Variants in POLA1 observed in about 807,000 individuals in gnomAD.
POLA1 encodes the protein DNA polymerase alpha 1, catalytic subunit, also known as DNA polymerase alpha catalytic subunit.
In POLA1, 15 loss-of-function variants were observed where a neutral mutation model predicts 124.0. The observed-to-expected ratio is 0.12, with a 90% CI of 0.08 to 0.19. The LOEUF (loss-of-function observed/expected upper bound fraction) is 0.19. Ranked by LOEUF, POLA1 falls within the 10% of genes least tolerant of loss-of-function variation. POLA1 has a pLI of 1.00. For synonymous variants in POLA1, 408 were observed against 389.4 expected, an observed-to-expected ratio of 1.05 and a Z score of -0.56; for missense variants, 886 against 1,103.4, an observed-to-expected ratio of 0.80 and a Z score of 2.79.
chrX:24,752,835 C>G (rs1207976766), intron 26 of POLA1, among the ~76,000 whole-genome samples: 2 of 110,979 alleles, frequency 1.8e-5, no homozygotes, highest in Non-Finnish European at 3.8e-5. Flanking sequence ...TTTATCATAG[C>G]AAGTTAATTC....
intron 17 of POLA1, chrX:24,734,077 C>T (rs1351140548): frequency 5.0e-6 from 1 of 199,169 alleles, no homozygotes; most frequent in African/African-American, 3.0e-5. Context: ...CCTCCAATAG[C>T]TTAATTAGAA....
chrX:24,876,897 T>C (rs1290840119), intron 34 of POLA1, among the ~76,000 whole-genome samples: 1 of 112,219 alleles, frequency 8.9e-6, no homozygotes, highest in Non-Finnish European at 1.9e-5. Flanking sequence ...ATTCGTTCTT[T>C]GACTTCAGCA....
At chrX:24,757,179 G>A (rs1932648332) in intron 26 of POLA1, among the ~76,000 whole-genome samples, 2 of 110,721 alleles carry the variant, frequency 1.8e-5, no homozygotes, top group Admixed American at 9.6e-5. Flanking sequence ...TTTAAATTTC[G>A]TTTCTATTGT....
At chrX:24,765,576 C>T (rs1333424563) in intron 26 of POLA1, among the ~76,000 whole-genome samples, 1 of 111,379 alleles carries the variant, frequency 9.0e-6, no homozygotes. Context: ...GAATTACAGG[C>T]GTGAGCCACT....
intron 26 of POLA1, among the ~76,000 whole-genome samples, chrX:24,759,031 C>A (rs1932752131): frequency 9.0e-6 from 1 of 111,591 alleles, no homozygotes; most frequent in Admixed American, 9.5e-5. Flanking sequence ...CAGGTGTGGG[C>A]ACCCGCACCC....
chrX:24,981,019 A>G (rs1456415917), intron 36 of POLA1, among the ~76,000 whole-genome samples: 1 of 111,703 alleles, frequency 9.0e-6, no homozygotes, highest in Non-Finnish European at 1.9e-5. Flanking sequence ...TCTTACTGTT[A>G]CCAGGGTCTT....
intron 35 of POLA1, among the ~76,000 whole-genome samples, chrX:24,924,858 C>CG (rs2047668218): frequency 9.0e-6 from 1 of 110,925 alleles, no homozygotes; most frequent in African/African-American, 3.3e-5. Context: ...ATAAGGGTGG[C>CG]GTGGGTATAT....
chrX:24,927,532 A>G (rs1346959732), intron 35 of POLA1, among the ~76,000 whole-genome samples: 2 of 111,565 alleles, frequency 1.8e-5, no homozygotes, highest in East Asian at 5.6e-4. Context: ...CCAAGTAACT[A>G]ACTTGAATGC....
At chrX:24,743,955 C>T (rs911772863) in intron 23 of POLA1, among the ~76,000 whole-genome samples, 6 of 104,957 alleles carry the variant, frequency 5.7e-5, no homozygotes, top group Admixed American at 2.1e-4. Context: ...TGCAGTGGTG[C>T]GATCTCTACT....
intron 26 of POLA1, among the ~76,000 whole-genome samples, chrX:24,791,797 C>G (rs1487322962): frequency 1.8e-5 from 2 of 112,170 alleles, no homozygotes; most frequent in African/African-American, 6.5e-5. Context: ...AAGAAGTAAG[C>G]TGGGATGTTC....
At chrX:24,938,480 C>A (rs2047878929) in intron 36 of POLA1, among the ~76,000 whole-genome samples, 1 of 111,952 alleles carries the variant, frequency 8.9e-6, no homozygotes, top group Non-Finnish European at 1.9e-5. Flanking sequence ...TCTATGTGCC[C>A]AGAGTAAAGT....
At chrX:24,812,571 A>G (rs1353959300) in intron 28 of POLA1, 87 bp from the exon 29 acceptor site, 2 of 553,741 alleles carry the variant, frequency 3.6e-6, no homozygotes, top group Admixed American at 6.2e-5. Context: ...AATTCTGTTT[A>G]GATTAACTCT....
intron 36 of POLA1, among the ~76,000 whole-genome samples, chrX:24,942,170 C>T (rs968887915): frequency 4.5e-5 from 5 of 112,197 alleles, no homozygotes; most frequent in South Asian, 3.7e-4. Flanking sequence ...AGAACATTCA[C>T]AGCCATTATC....
chrX:24,955,166 T>C (rs2048092537), intron 36 of POLA1, among the ~76,000 whole-genome samples: 1 of 109,096 alleles, frequency 9.2e-6, no homozygotes, highest in Admixed American at 9.8e-5. Flanking sequence ...TTTTTTTTTT[T>C]TTCTTCTCTT....
chrX:24,962,892 A>C (rs991306565), intron 36 of POLA1, among the ~76,000 whole-genome samples: 1 of 111,873 alleles, frequency 8.9e-6, no homozygotes, highest in Admixed American at 9.6e-5. Flanking sequence ...TTTTGAATAT[A>C]TATAATGGGT....
intron 14 of POLA1, 68 bp downstream of exon 14, chrX:24,727,139 T>TTTTAAAA: frequency 1.5e-5 from 14 of 916,869 alleles, no homozygotes; most frequent in Non-Finnish European, 2.2e-5. Context: ...AAAGGGAAGT[T>TTTTAAAA]AGGAAATTGA....
chrX:24,988,904 T>C (rs1392752610), intron 36 of POLA1, among the ~76,000 whole-genome samples: 2 of 111,302 alleles, frequency 1.8e-5, no homozygotes, highest in African/African-American at 3.3e-5. Context: ...AGGCGGAGGT[T>C]GCAGTGAGCC....
chrX:24,833,873 C>G (rs993258369), intron 32 of POLA1, among the ~76,000 whole-genome samples: 2 of 111,860 alleles, frequency 1.8e-5, no homozygotes, highest in African/African-American at 6.5e-5. Flanking sequence ...TGGCTTGAGT[C>G]TAGGAGTTCA....
At chrX:24,762,534 T>C (rs930759186) in intron 26 of POLA1, among the ~76,000 whole-genome samples, 1 of 110,992 alleles carries the variant, frequency 9.0e-6, no homozygotes, top group Non-Finnish European at 1.9e-5. Context: ...GTTGGAAGAA[T>C]AAGCATTCTA....
Sources: gnomAD v4.1 joint callset for allele counts (sites outside exome capture counted in the v4.1 genomes callset) on GRCh38, gnomAD v4.1.1 for gene constraint, MANE v1.5 for transcripts, NCBI Gene and HGNC (gene_info 2026-07-23, HGNC 2026-07-21) for gene names.